The following ZAP70 variants were observed in gnomAD, a reference collection of about 807,000 sequenced individuals.
ZAP70 encodes tyrosine-protein kinase ZAP-70.
Under a neutral mutation model 65.8 loss-of-function variants are expected in ZAP70, and 27 were observed. That is an observed-to-expected ratio of 0.41 (90% CI 0.30 to 0.57). ZAP70 has a LOEUF of 0.57. Ranked by LOEUF, ZAP70 falls within the 20% of genes least tolerant of loss-of-function variation. ZAP70 has a pLI of 0.28. For synonymous variants in ZAP70, 363 were observed against 360.8 expected, an observed-to-expected ratio of 1.01 and a Z score of -0.07; for missense variants, 696 against 870.5, an observed-to-expected ratio of 0.80 and a Z score of 2.52.
At chr2:97,733,491 T>C in intron 7 of ZAP70, 53 bp from the exon 8 acceptor site, 1 of 1,612,322 alleles carries the variant, frequency 6.2e-7, no homozygotes, top group Non-Finnish European at 8.5e-7. Flanking sequence ...ATAGGTCTCA[T>C]GAGAGGGGCT....
Position 97,734,913 on chromosome 2 carries a change from G to A in ZAP70, c.1082+201G>A. The A allele has an allele frequency of 5.2e-6, 4 of 765,296 alleles. No individual in the cohort carries two copies. The East Asian group carries it at 1.1e-4, about 21-fold the overall frequency. 47.4% of individuals were successfully genotyped at this position (765,296 alleles called of 1,614,324 possible). ...ACGGGGGTGGGATGGGGCCTGGGCA[G>A]GGGGAGGCTGTGGAGCTGAAGTTCC... On this transcript the variant is annotated intron_variant, in intron 9 of 13. Coordinates refer to ENST00000264972, the MANE Select transcript of ZAP70 (RefSeq NM_001079.4).
intron 2 of ZAP70, among the ~76,000 whole-genome samples, chr2:97,717,349 A>T: frequency 7.1e-6 from 1 of 141,834 alleles, no homozygotes; most frequent in Non-Finnish European, 1.5e-5. Context: ...CTGGGGGGAC[A>T]TGCGGAGCCT....
chr2:97,724,705 G>T (rs990534155), intron 3 of ZAP70: 1 of 1,516,284 alleles, frequency 6.6e-7, no homozygotes, highest in East Asian at 2.6e-5. Flanking sequence ...GCACTGGGCC[G>T]GGCGAAGGCG....
intron 2 of ZAP70, among the ~76,000 whole-genome samples, chr2:97,723,308 G>A (rs1241461817): frequency 6.6e-6 from 1 of 152,272 alleles, no homozygotes; most frequent in Non-Finnish European, 1.5e-5. Context: ...AGGCCGAGGG[G>A]AAAGGGTCAG....
At chr2:97,735,803 A>G (rs1677851846) in intron 10 of ZAP70, among the ~76,000 whole-genome samples, 1 of 152,126 alleles carries the variant, frequency 6.6e-6, no homozygotes, top group Non-Finnish European at 1.5e-5. Flanking sequence ...CATGAGGTCA[A>G]GAGATCCAGA....
rs1676890561 is a variant in ZAP70 at position 97,715,886 on chromosome 2, A to G, written c.-22+1892A>G. On this transcript the variant is annotated intron_variant, in intron 2 of 13. Transcript: ENST00000264972. This position sits in a 1 kb window ranked among gnomAD's most constrained non-coding sequence, Gnocchi z 4.1. ...GTGATTGTCCTTACACACTTGACAAATATTTGTGGGGAGGAAGCAGGAGCT... is the reference window on the plus strand; with the variant it reads ...GTGATTGTCCTTACACACTTGACAAGTATTTGTGGGGAGGAAGCAGGAGCT... Among the ~76,000 whole-genome samples the G allele has an allele frequency of 6.6e-6, 1 of 152,184 alleles. No homozygotes were observed. The highest frequency in any genetic ancestry group is 1.5e-5 in the Non-Finnish European group (1 of 68,030).
downstream of ZAP70, among the ~76,000 whole-genome samples, chr2:97,743,614 G>T (rs914644494): frequency 6.6e-5 from 10 of 152,324 alleles, no homozygotes; most frequent in African/African-American, 2.4e-4. Context: ...GAGATTACAG[G>T]CATGAGCCAC....
intron 3 of ZAP70, chr2:97,724,877 TG>T: frequency 6.5e-7 from 1 of 1,529,836 alleles, no homozygotes; most frequent in Admixed American, 2.0e-5. Flanking sequence ...GAGATGCGCT[TG>T]GGGCCGCGCT....
chr2:97,744,182 C>T (rs1367237701), downstream of ZAP70, among the ~76,000 whole-genome samples: 1 of 152,214 alleles, frequency 6.6e-6, no homozygotes, highest in Non-Finnish European at 1.5e-5. Flanking sequence ...CTCCCCGCTC[C>T]TCGGCAGGCC....
At chr2:97,730,511 G>A (rs1225681081) in intron 4 of ZAP70, among the ~76,000 whole-genome samples, 1 of 152,122 alleles carries the variant, frequency 6.6e-6, no homozygotes, top group Non-Finnish European at 1.5e-5. Context: ...GGTATTTGGA[G>A]AGCTGCCAGG....
chr2:97,726,812 C>T (rs1677405288), intron 4 of ZAP70, among the ~76,000 whole-genome samples: 1 of 152,260 alleles, frequency 6.6e-6, no homozygotes, highest in Non-Finnish European at 1.5e-5. Context: ...CTGAACAGGA[C>T]AGGGCTGTTT....
chr2:97,751,825 G>A, the ZAP70 span, among the ~76,000 whole-genome samples: 1 of 152,206 alleles, frequency 6.6e-6, no homozygotes. Context: ...GGGAGGTGGG[G>A]GAAGGTGCCA....
chr2:97,746,315 A>G, the ZAP70 span, among the ~76,000 whole-genome samples: 2 of 152,154 alleles, frequency 1.3e-5, no homozygotes, highest in African/African-American at 4.8e-5. Flanking sequence ...AAAATGACAA[A>G]TATTATTAAA....
At chr2:97,728,010 T>C (rs1677460940) in intron 4 of ZAP70, among the ~76,000 whole-genome samples, 1 of 152,180 alleles carries the variant, frequency 6.6e-6, no homozygotes, top group African/African-American at 2.4e-5. Flanking sequence ...TGTTCCAGCT[T>C]GAATGACGAC....
At chr2:97,752,033 T>C in the ZAP70 span, among the ~76,000 whole-genome samples, 33 of 152,310 alleles carry the variant, frequency 2.2e-4, no homozygotes, top group African/African-American at 7.9e-4. Context: ...ATCTCTGTCA[T>C]TAGAAGTAAG....
At chr2:97,717,346 G>C (rs994686206) in intron 2 of ZAP70, among the ~76,000 whole-genome samples, 1 of 142,992 alleles carries the variant, frequency 7.0e-6, no homozygotes, top group African/African-American at 2.9e-5. Flanking sequence ...TGGCTGGGGG[G>C]ACATGCGGAG....
intron 2 of ZAP70, among the ~76,000 whole-genome samples, chr2:97,722,805 T>A (rs1277819583): frequency 1.3e-5 from 2 of 152,254 alleles, no homozygotes; most frequent in Non-Finnish European, 2.9e-5. Context: ...TCCCTCTCGC[T>A]CTGTTCGTCC....
At chr2:97,718,058 T>C (rs1677009576) in intron 2 of ZAP70, among the ~76,000 whole-genome samples, 1 of 152,138 alleles carries the variant, frequency 6.6e-6, no homozygotes, top group African/African-American at 2.4e-5. Context: ...CTGACTGGGG[T>C]CAGCCTAGGG....
intron 3 of ZAP70, 25 bp from the exon 4 acceptor site, chr2:97,725,067 G>C: frequency 1.9e-6 from 3 of 1,613,210 alleles, no homozygotes; most frequent in Non-Finnish European, 2.5e-6. Context: ...CACACCTACA[G>C]ACCTCCTCGC....
Sources: gnomAD v4.1 joint callset for allele counts (sites outside exome capture counted in the v4.1 genomes callset) on GRCh38, gnomAD v4.1.1 for gene constraint, Gnocchi (gnomAD v3.1) non-coding constraint, MANE v1.5 for transcripts, NCBI Gene and HGNC (gene_info 2026-07-23, HGNC 2026-07-21) for gene names.